SNTG2: variants seen among roughly 807,000 people sequenced by gnomAD.
SNTG2 encodes gamma-2-syntrophin.
Under a neutral mutation model 70.9 loss-of-function variants are expected in SNTG2, and 74 were observed. That is an observed-to-expected ratio of 1.04 (90% CI 0.86 to 1.27). The LOEUF is 1.27. SNTG2 is among the 50% of genes most tolerant of loss of function. The pLI is 0.00. For missense variants in SNTG2, 717 were observed against 690.7 expected (o/e 1.04, Z -0.43); for synonymous variants, 278 against 273.8 (o/e 1.02, Z -0.15).
Position 1,252,980 on chromosome 2 carries a change from T to C in SNTG2, c.1005+5537T>C, listed in dbSNP as rs1369736425. On this transcript the variant is annotated intron_variant, in intron 12 of 16. Coordinates refer to ENST00000308624, the MANE Select transcript of SNTG2 (RefSeq NM_018968.4). Reference sequence around the variant, plus strand: ...GGTGGCAATTTGCCAGTAGCAGTCTTACTTTGCCCAGATCTAAAACAACCT... The same window carrying C: ...GGTGGCAATTTGCCAGTAGCAGTCTCACTTTGCCCAGATCTAAAACAACCT... Among the ~76,000 whole-genome samples the C allele has an allele frequency of 2.6e-5, 4 of 152,226 alleles. No homozygotes were observed. In the East Asian group the frequency reaches 7.7e-4, roughly 29 times the overall value.
At chr2:1,007,244 T>TA (rs1186483167) in intron 1 of SNTG2, among the ~76,000 whole-genome samples, 1 of 152,038 alleles carries the variant, frequency 6.6e-6, no homozygotes, top group Non-Finnish European at 1.5e-5. Flanking sequence ...AGAAGGACAT[T>TA]AGACAGGCGA....
At position 1,009,213 on chromosome 2, in the gene SNTG2, A is replaced by C. The variant is rs551728364; in HGVS notation, c.72+58145A>C. Among the ~76,000 whole-genome samples, 695 of 111,340 alleles carry C rather than the reference A, an allele frequency of 6.2e-3. 4 individuals carry two copies. The highest frequency in any genetic ancestry group is 0.021 in the African/African-American group (664 of 31,512). 73.0% of individuals were successfully genotyped at this position (111,340 alleles called of 152,430 possible). On this transcript the variant is annotated intron_variant, in intron 1 of 16. Transcript: ENST00000308624. ...GGTGTGGGTCGTGTGTATGGCAGCC[A>C]CACCTGTGTCCCCAGGAAGACATGC...
At chr2:955,634 T>C (rs1361615487) in intron 1 of SNTG2, among the ~76,000 whole-genome samples, 2 of 152,252 alleles carry the variant, frequency 1.3e-5, no homozygotes, top group African/African-American at 4.8e-5. Flanking sequence ...GCAGATGTTT[T>C]ATTGTGTAGT....
intron 15 of SNTG2, among the ~76,000 whole-genome samples, 184 bp from the exon 16 acceptor site, chr2:1,316,081 G>T (rs1007346387): frequency 3.9e-5 from 6 of 152,092 alleles, no homozygotes; most frequent in African/African-American, 1.2e-4. Flanking sequence ...GGCTGGAGGA[G>T]GTCAGTTTGC....
At chr2:1,035,707 G>T (rs1229740392) in intron 1 of SNTG2, among the ~76,000 whole-genome samples, 1 of 152,074 alleles carries the variant, frequency 6.6e-6, no homozygotes, top group Non-Finnish European at 1.5e-5. Context: ...TTTTAAATGG[G>T]CACGATCCTC....
chr2:1,363,124 A>C (rs1661289495), intron 16 of SNTG2, among the ~76,000 whole-genome samples: 1 of 92,190 alleles, frequency 1.1e-5, no homozygotes, highest in Non-Finnish European at 2.1e-5. Flanking sequence ...ACCCTCACAA[A>C]ATGGACCCCC....
chr2:1,325,028 C>T (rs71440646), intron 16 of SNTG2, among the ~76,000 whole-genome samples: 4 of 152,302 alleles, frequency 2.6e-5, no homozygotes, highest in Admixed American at 2.6e-4. Context: ...TGTAAGGGAA[C>T]CTTGTAAGCA....
At chr2:1,214,566 A>G (rs980328193) in intron 9 of SNTG2, among the ~76,000 whole-genome samples, 4 of 152,180 alleles carry the variant, frequency 2.6e-5, no homozygotes, top group African/African-American at 9.6e-5. Flanking sequence ...TGAACAAAAT[A>G]CTACTGATTT....
At chr2:1,129,503 C>T (rs564759275) in intron 4 of SNTG2, among the ~76,000 whole-genome samples, 10 of 152,272 alleles carry the variant, frequency 6.6e-5, no homozygotes, top group East Asian at 3.9e-4. Flanking sequence ...AATTTCATCA[C>T]GGTTGTCTCA....
chr2:1,169,277 G>C (rs28613519), intron 7 of SNTG2, among the ~76,000 whole-genome samples: 38,130 of 151,892 alleles, frequency 0.25, 5,289 homozygotes, highest in East Asian at 0.44. Flanking sequence ...AAAGCAGGGG[G>C]TGCTTTCGGA....
chr2:1,316,465 C>A, intron 16 of SNTG2, 90 bp downstream of exon 16: 1 of 486,490 alleles, frequency 2.1e-6, no homozygotes, highest in Admixed American at 4.3e-5. Flanking sequence ...CCACCCCTCC[C>A]ATGCACACAA....
chr2:964,758 G>A (rs893520310), intron 1 of SNTG2, among the ~76,000 whole-genome samples: 8 of 152,188 alleles, frequency 5.3e-5, no homozygotes, highest in Admixed American at 2.0e-4. Context: ...CTGCCACAGC[G>A]GGTCCCGCCC....
chr2:996,073 C>G (rs1019097802), intron 1 of SNTG2, among the ~76,000 whole-genome samples: 1 of 152,034 alleles, frequency 6.6e-6, no homozygotes, highest in Non-Finnish European at 1.5e-5. Flanking sequence ...CTTTCTTAAC[C>G]TCTAGTGATG....
chr2:1,276,535 C>T (rs1041166871), intron 14 of SNTG2, among the ~76,000 whole-genome samples: 1 of 152,218 alleles, frequency 6.6e-6, no homozygotes, highest in Admixed American at 6.5e-5. Context: ...TTGAGACCTA[C>T]TGCTCAGAAA....
intron 1 of SNTG2, among the ~76,000 whole-genome samples, chr2:1,043,952 A>G (rs1199116224): frequency 1.3e-5 from 2 of 152,042 alleles, no homozygotes; most frequent in African/African-American, 2.4e-5. Context: ...TGTGAAAAAT[A>G]TTGGTAGTTT....
At chr2:1,233,468 G>A (rs963559473) in intron 9 of SNTG2, among the ~76,000 whole-genome samples, 6 of 152,336 alleles carry the variant, frequency 3.9e-5, no homozygotes, top group Admixed American at 6.5e-5. Flanking sequence ...AGACCGCAGC[G>A]AAGGCAGGCA....
At chr2:1,235,418 C>T (rs993284535) in intron 9 of SNTG2, among the ~76,000 whole-genome samples, 10 of 132,218 alleles carry the variant, frequency 7.6e-5, no homozygotes, top group Non-Finnish European at 1.3e-4. Flanking sequence ...CAGGCCCCAC[C>T]AGGCACCCCC....
At chr2:1,069,812 A>C (rs919540774) in intron 1 of SNTG2, among the ~76,000 whole-genome samples, 8 of 151,576 alleles carry the variant, frequency 5.3e-5, no homozygotes, top group Non-Finnish European at 2.9e-5. Flanking sequence ...TAAATACAAA[A>C]CAAAACAAAA....
chr2:1,245,704 CAAAAAA>C (rs1007806374), intron 11 of SNTG2, among the ~76,000 whole-genome samples: 1 of 151,862 alleles, frequency 6.6e-6, no homozygotes, highest in Non-Finnish European at 1.5e-5. Context: ...CCCAACCAGA[CAAAAAA>C]GGAAAAAATC....
Sources: allele counts gnomAD v4.1 joint callset (sites outside exome capture counted in the v4.1 genomes callset), GRCh38; gene constraint gnomAD v4.1.1; transcripts MANE v1.5; gene names NCBI Gene and HGNC (gene_info 2026-07-23, HGNC 2026-07-21).